Variants in IL1RAPL1 observed in about 807,000 individuals in gnomAD.
IL1RAPL1 encodes interleukin-1 receptor accessory protein-like 1.
In IL1RAPL1, 3 loss-of-function variants were observed where a neutral mutation model predicts 48.4. The observed-to-expected ratio is 0.06, with a 90% CI of 0.03 to 0.16. The LOEUF (loss-of-function observed/expected upper bound fraction) is 0.16. IL1RAPL1 is among the 10% of genes least tolerant of loss of function. The pLI is 1.00. For missense variants in IL1RAPL1, 349 were observed against 530.6 expected (o/e 0.66, Z 3.36); for synonymous variants, 185 against 187.7 (o/e 0.99, Z 0.12).
chrX:28,623,561 C>T (rs1934307074), intron 1 of IL1RAPL1, among the ~76,000 whole-genome samples: 1 of 111,617 alleles, frequency 9.0e-6, no homozygotes, highest in South Asian at 3.8e-4. Flanking sequence ...AGCTTTATTA[C>T]CTGCATACGT....
At chrX:29,791,171 G>A (rs1929621654) in intron 6 of IL1RAPL1, among the ~76,000 whole-genome samples, 1 of 109,642 alleles carries the variant, frequency 9.1e-6, no homozygotes. Flanking sequence ...TTTATACCAG[G>A]GAGCGCCATC....
At chrX:29,625,223 T>G (rs1161942133) in intron 5 of IL1RAPL1, among the ~76,000 whole-genome samples, 2 of 112,192 alleles carry the variant, frequency 1.8e-5, no homozygotes, top group African/African-American at 3.2e-5. Flanking sequence ...AAAAGTCTGT[T>G]AAGTTTCTTT....
chrX:29,675,702 T>C (rs750919630), intron 6 of IL1RAPL1, among the ~76,000 whole-genome samples: 1 of 111,614 alleles, frequency 9.0e-6, no homozygotes. Context: ...GGGATTCTCC[T>C]GCCTCAGCCT....
intron 6 of IL1RAPL1, among the ~76,000 whole-genome samples, chrX:29,706,769 C>T (rs756083985): frequency 1.8e-5 from 2 of 111,866 alleles, no homozygotes; most frequent in African/African-American, 6.5e-5. Flanking sequence ...ACTGGATCCT[C>T]ATCTCTCACT....
chrX:29,886,273 T>C (rs1010136851), intron 6 of IL1RAPL1, among the ~76,000 whole-genome samples: 15 of 112,648 alleles, frequency 1.3e-4, no homozygotes, highest in African/African-American at 4.8e-4. Flanking sequence ...ATTTCTTCTT[T>C]AAGCACCATA....
At chrX:29,780,674 C>T (rs992160094) in intron 6 of IL1RAPL1, among the ~76,000 whole-genome samples, 4 of 111,519 alleles carry the variant, frequency 3.6e-5, no homozygotes, top group Non-Finnish European at 3.8e-5. Context: ...GATCTTATAA[C>T]GGTTATATTA....
intron 2 of IL1RAPL1, among the ~76,000 whole-genome samples, chrX:29,168,568 T>TATATATATAC (rs1174009601): frequency 1.0e-5 from 1 of 96,705 alleles, no homozygotes; most frequent in Non-Finnish European, 2.1e-5. Context: ...TATATATATA[T>TATATATATAC]ATACACACAC....
At chrX:29,902,034 CACTCA>C (rs1209829870) in intron 6 of IL1RAPL1, among the ~76,000 whole-genome samples, 2 of 111,944 alleles carry the variant, frequency 1.8e-5, no homozygotes, top group East Asian at 5.6e-4. Flanking sequence ...TTCTTCCATC[CACTCA>C]ACTCAAGGGT....
At chrX:29,917,384 C>T (rs941794813) in intron 6 of IL1RAPL1, 80 bp from the exon 7 acceptor site, 7 of 887,199 alleles carry the variant, frequency 7.9e-6, no homozygotes, top group Admixed American at 2.7e-5. Context: ...GAAAAGTGAT[C>T]AAAATGTTAC....
At chrX:28,894,670 G>A (rs1922860715) in intron 2 of IL1RAPL1, among the ~76,000 whole-genome samples, 1 of 110,634 alleles carries the variant, frequency 9.0e-6, no homozygotes, top group African/African-American at 3.3e-5. Context: ...GTGATTTTTA[G>A]GGCCTCTAAA....
chrX:28,882,718 A>G (rs1922534346), intron 2 of IL1RAPL1, among the ~76,000 whole-genome samples: 1 of 112,243 alleles, frequency 8.9e-6, no homozygotes, highest in Non-Finnish European at 1.9e-5. Flanking sequence ...ATTCATCACC[A>G]GTAGACCTGC....
chrX:29,685,017 G>A (rs1926576576), intron 6 of IL1RAPL1, among the ~76,000 whole-genome samples: 1 of 112,238 alleles, frequency 8.9e-6, no homozygotes, highest in African/African-American at 3.2e-5. Flanking sequence ...TATACAGAAA[G>A]GTAGTTTGAA....
At chrX:28,622,440 T>C (rs1437002154) in intron 1 of IL1RAPL1, among the ~76,000 whole-genome samples, 1 of 111,933 alleles carries the variant, frequency 8.9e-6, no homozygotes, top group Non-Finnish European at 1.9e-5. Flanking sequence ...ATTAGTGAAT[T>C]GTTTTTTTAA....
chrX:29,366,013 A>G (rs1160937998), intron 3 of IL1RAPL1, among the ~76,000 whole-genome samples: 1 of 102,284 alleles, frequency 9.8e-6, no homozygotes, highest in Non-Finnish European at 2.0e-5. Flanking sequence ...TGCACTACAC[A>G]CTCCAGCCTG....
At chrX:28,657,080 G>A (rs1430544320) in intron 1 of IL1RAPL1, among the ~76,000 whole-genome samples, 1 of 109,328 alleles carries the variant, frequency 9.1e-6, no homozygotes, top group African/African-American at 3.3e-5. Flanking sequence ...TAAATGTAAT[G>A]GGGGCATATA....
At chrX:28,944,640 C>T (rs997988180) in intron 2 of IL1RAPL1, among the ~76,000 whole-genome samples, 21 of 110,176 alleles carry the variant, frequency 1.9e-4, no homozygotes, top group African/African-American at 5.9e-4. Context: ...AAATATCCGA[C>T]ATGAAAAAAG....
chrX:28,988,355 C>CT (rs921225207), intron 2 of IL1RAPL1, among the ~76,000 whole-genome samples: 18 of 110,239 alleles, frequency 1.6e-4, no homozygotes, highest in African/African-American at 5.9e-4. Flanking sequence ...GGTGATCATC[C>CT]TTTTTTTTTC....
chrX:28,774,997 A>G (rs955206247), intron 1 of IL1RAPL1, among the ~76,000 whole-genome samples: 1 of 112,150 alleles, frequency 8.9e-6, no homozygotes, highest in African/African-American at 3.2e-5. Context: ...ATGACCTTCC[A>G]TCATTACCTT....
At chrX:28,699,097 C>T (rs1252496463) in intron 1 of IL1RAPL1, among the ~76,000 whole-genome samples, 1 of 112,179 alleles carries the variant, frequency 8.9e-6, no homozygotes. Context: ...TCTTAAGTCA[C>T]TATTCATAAA....
Sources: gnomAD v4.1 joint callset for allele counts (sites outside exome capture counted in the v4.1 genomes callset) on GRCh38, gnomAD v4.1.1 for gene constraint, MANE v1.5 for transcripts, NCBI Gene and HGNC (gene_info 2026-07-23, HGNC 2026-07-21) for gene names.